The following NPAS3 variants were observed in gnomAD, a reference collection of about 807,000 sequenced individuals.
The protein encoded by NPAS3 is neuronal PAS domain-containing protein 3.
Under a neutral mutation model 73.1 loss-of-function variants are expected in NPAS3, and 14 were observed. That is an observed-to-expected ratio of 0.19 (90% CI 0.13 to 0.30). The LOEUF (loss-of-function observed/expected upper bound fraction) is 0.30. Among genes scored for constraint, NPAS3 ranks in the 10% least tolerant of loss-of-function variants. The pLI is 1.00. For synonymous variants in NPAS3, 620 were observed against 541.5 expected (o/e 1.14, Z -2.01); for missense variants, 1,096 against 1,250.0 (o/e 0.88, Z 1.86).
chr14:33,144,789 T>A (rs1356647416), intron 2 of NPAS3, among the ~76,000 whole-genome samples: 3 of 152,198 alleles, frequency 2.0e-5, no homozygotes. Context: ...ATGGGGAGTC[T>A]TGCTGCATTG....
intron 1 of NPAS3, among the ~76,000 whole-genome samples, chr14:32,997,063 C>T (rs1022518209): frequency 6.6e-6 from 1 of 152,192 alleles, no homozygotes; most frequent in South Asian, 2.1e-4. Context: ...CATGCATTAG[C>T]ATGACCTGGA....
intron 4 of NPAS3, among the ~76,000 whole-genome samples, chr14:33,531,040 G>GGTTTT (rs2054018912): frequency 6.6e-6 from 1 of 151,990 alleles, no homozygotes; most frequent in Non-Finnish European, 1.5e-5. Flanking sequence ...CAGAAGAAGA[G>GGTTTT]GTTTTGTTTT....
intron 3 of NPAS3, among the ~76,000 whole-genome samples, chr14:33,331,769 CAG>C (rs1255963882): frequency 1.3e-5 from 2 of 152,150 alleles, no homozygotes; most frequent in Non-Finnish European, 2.9e-5. Context: ...TTTGACTCTT[CAG>C]AGAGACTTTT....
At chr14:33,441,257 T>G (rs967612481) in intron 4 of NPAS3, among the ~76,000 whole-genome samples, 4 of 152,256 alleles carry the variant, frequency 2.6e-5, no homozygotes, top group Non-Finnish European at 5.9e-5. Context: ...CATATGCAAA[T>G]TAGTATTATT....
intron 3 of NPAS3, among the ~76,000 whole-genome samples, chr14:33,265,053 A>G (rs567463487): frequency 5.3e-5 from 8 of 152,324 alleles, no homozygotes; most frequent in Admixed American, 5.2e-4. Flanking sequence ...AGCTACCATC[A>G]TCACTACTAC....
At chr14:33,678,367 C>G (rs1286804216) in intron 6 of NPAS3, among the ~76,000 whole-genome samples, 1 of 152,064 alleles carries the variant, frequency 6.6e-6, no homozygotes, top group Non-Finnish European at 1.5e-5. Flanking sequence ...CTTCCCTATC[C>G]TAGCTTCTCA....
At chr14:33,714,226 C>T (rs191281708) in intron 6 of NPAS3, among the ~76,000 whole-genome samples, 8 of 151,994 alleles carry the variant, frequency 5.3e-5, no homozygotes, top group Non-Finnish European at 1.2e-4. Context: ...TATTTGTCCC[C>T]ACAGCATTTC....
At chr14:33,799,980 A>C (rs959910433) in exon 12 of NPAS3, 1 of 1,613,766 alleles carries the variant, frequency 6.2e-7, no homozygotes, top group Non-Finnish European at 8.5e-7. Flanking sequence ...ATCAAGGTGG[A>C]GCGCTACGTG....
intron 4 of NPAS3, among the ~76,000 whole-genome samples, chr14:33,519,780 C>G (rs1363639961): frequency 1.3e-5 from 2 of 152,270 alleles, no homozygotes; most frequent in Admixed American, 6.5e-5. Context: ...GCAGACCGTA[C>G]ATTTTAAAAT....
At chr14:33,148,166 G>C (rs1164909535) in intron 2 of NPAS3, among the ~76,000 whole-genome samples, 1 of 152,006 alleles carries the variant, frequency 6.6e-6, no homozygotes, top group Non-Finnish European at 1.5e-5. Flanking sequence ...GTTAAATTTT[G>C]TTCCAATATT....
At chr14:33,534,141 T>A (rs1403605941) in intron 4 of NPAS3, among the ~76,000 whole-genome samples, 2 of 151,876 alleles carry the variant, frequency 1.3e-5, no homozygotes, top group Non-Finnish European at 2.9e-5. Context: ...CTGACTATTA[T>A]TGGCCAGTGT....
At chr14:33,111,653 CTTTT>C (rs1204623544) in intron 2 of NPAS3, among the ~76,000 whole-genome samples, 1 of 144,338 alleles carries the variant, frequency 6.9e-6, no homozygotes, top group Non-Finnish European at 1.5e-5. Context: ...CTTAAATTTT[CTTTT>C]TTTTTCTTTT....
At chr14:32,967,189 T>A (rs2037211473) in intron 1 of NPAS3, among the ~76,000 whole-genome samples, 2 of 152,196 alleles carry the variant, frequency 1.3e-5, no homozygotes, top group Non-Finnish European at 2.9e-5. Context: ...AAGATGATAA[T>A]GACCTTTATC....
intron 3 of NPAS3, among the ~76,000 whole-genome samples, chr14:33,219,470 G>T (rs12892452): frequency 9.2e-5 from 14 of 151,990 alleles, no homozygotes; most frequent in Non-Finnish European, 2.1e-4. Context: ...GCTAAAATAT[G>T]TAAAGTATAA....
chr14:33,255,307 G>T (rs566942115), intron 3 of NPAS3, among the ~76,000 whole-genome samples: 1 of 152,216 alleles, frequency 6.6e-6, no homozygotes, highest in East Asian at 1.9e-4. Context: ...TCTAAGCATG[G>T]TGAAACTTTG....
chr14:33,710,214 A>G (rs1336155873), intron 6 of NPAS3, among the ~76,000 whole-genome samples: 2 of 152,234 alleles, frequency 1.3e-5, no homozygotes, highest in South Asian at 4.1e-4. Context: ...CAGAACGCCA[A>G]TTCCAATCTC....
intron 2 of NPAS3, among the ~76,000 whole-genome samples, chr14:33,092,250 G>A (rs1438179587): frequency 6.7e-6 from 1 of 150,296 alleles, no homozygotes; most frequent in African/African-American, 2.5e-5. Context: ...ATCTCCTTAA[G>A]CTGTTAAGCA....
At chr14:33,401,026 A>G (rs1008219512) in intron 4 of NPAS3, among the ~76,000 whole-genome samples, 1 of 152,108 alleles carries the variant, frequency 6.6e-6, no homozygotes, top group Non-Finnish European at 1.5e-5. Flanking sequence ...TAGATATTGC[A>G]GAATGCAAAG....
chr14:33,525,185 A>G (rs902660264), intron 4 of NPAS3, among the ~76,000 whole-genome samples: 10 of 152,214 alleles, frequency 6.6e-5, no homozygotes, highest in Non-Finnish European at 1.3e-4. Flanking sequence ...CATTAAACTT[A>G]AAGAGCCATT....
Sources: gnomAD v4.1 joint callset for allele counts (sites outside exome capture counted in the v4.1 genomes callset) on GRCh38, gnomAD v4.1.1 for gene constraint, MANE v1.5 for transcripts, NCBI Gene and HGNC (gene_info 2026-07-23, HGNC 2026-07-21) for gene names.